Variants in ARHGEF10 observed in about 807,000 individuals in gnomAD.
ARHGEF10 encodes Rho guanine nucleotide exchange factor (GEF) 10.
Under a neutral mutation model 147.4 loss-of-function variants are expected in ARHGEF10, and 140 were observed. The observed-to-expected ratio is 0.95, with a 90% CI of 0.83 to 1.09. The LOEUF (loss-of-function observed/expected upper bound fraction) is 1.09, where lower values mean the gene tolerates loss of function less well. Ranked by LOEUF, ARHGEF10 falls within the 50% of genes least tolerant of loss-of-function variation. The probability of loss-of-function intolerance (pLI) is 0.00; values close to 1 mark genes in which losing one functional copy is unlikely to be tolerated. For missense variants in ARHGEF10, 2,222 were observed against 1,752.7 expected, an observed-to-expected ratio of 1.27 and a Z score of -4.78; for synonymous variants, 902 against 695.8, an observed-to-expected ratio of 1.30 and a Z score of -4.67.
At chr8:1,873,708 T>G in intron 7 of ARHGEF10, among the ~76,000 whole-genome samples, 2 of 141,954 alleles carry the variant, frequency 1.4e-5, no homozygotes, top group Admixed American at 7.1e-5. Context: ...GCCCGCGGGG[T>G]AGTGCACTCG....
intron 28 of ARHGEF10, among the ~76,000 whole-genome samples, chr8:1,955,577 G>A (rs1156909861): frequency 2.0e-5 from 3 of 151,182 alleles, no homozygotes; most frequent in Non-Finnish European, 4.4e-5. Context: ...GTAGCTAGGT[G>A]CATCCTGAAA....
intron 8 of ARHGEF10, 101 bp downstream of exon 8, chr8:1,876,835 G>C (rs1807751874): frequency 2.2e-6 from 3 of 1,338,650 alleles, no homozygotes; most frequent in Non-Finnish European, 3.2e-6. Flanking sequence ...ATAGTGATTT[G>C]TTAAGATGCT....
intron 1 of ARHGEF10, among the ~76,000 whole-genome samples, chr8:1,835,871 A>G (rs934681218): frequency 7.9e-5 from 12 of 152,138 alleles, no homozygotes; most frequent in African/African-American, 1.2e-4. Flanking sequence ...GACTGAATGC[A>G]TCATCTTTTT....
intron 2 of ARHGEF10, among the ~76,000 whole-genome samples, chr8:1,855,047 T>C (rs1443228117): frequency 1.3e-5 from 2 of 152,130 alleles, no homozygotes; most frequent in East Asian, 3.9e-4. Context: ...ACACACGGGC[T>C]CCTGTTCACG....
At chr8:1,860,546 A>G (rs1806044125) in intron 4 of ARHGEF10, among the ~76,000 whole-genome samples, 1 of 151,928 alleles carries the variant, frequency 6.6e-6, no homozygotes, top group African/African-American at 2.4e-5. Flanking sequence ...AGGTCATTAG[A>G]TGTTTGTTTA....
intron 18 of ARHGEF10, among the ~76,000 whole-genome samples, chr8:1,919,773 C>G (rs1027784621): frequency 6.2e-5 from 9 of 145,672 alleles, no homozygotes; most frequent in Admixed American, 5.4e-4. Context: ...TGGAGCTGTT[C>G]TATGGGTGAT....
chr8:1,935,136 A>G (rs1813471802), intron 26 of ARHGEF10, among the ~76,000 whole-genome samples: 1 of 152,166 alleles, frequency 6.6e-6, no homozygotes, highest in Non-Finnish European at 1.5e-5. Context: ...TTATTTTTAG[A>G]GCAGTTTTAG....
At chr8:1,949,274 C>T (rs1052673475) in intron 27 of ARHGEF10, among the ~76,000 whole-genome samples, 1 of 152,198 alleles carries the variant, frequency 6.6e-6, no homozygotes, top group African/African-American at 2.4e-5. Flanking sequence ...AAGGCCCTGG[C>T]TTTTCTCCTT....
At chr8:1,898,582 T>A in intron 15 of ARHGEF10, 57 bp downstream of exon 15, 4 of 1,538,732 alleles carry the variant, frequency 2.6e-6, no homozygotes, top group Non-Finnish European at 3.6e-6. Flanking sequence ...CATGACTCAT[T>A]TGAAAATGGC....
In ARHGEF10 at chr8:1,835,974, G is replaced by C. The variant is rs952749587; in HGVS notation, c.-47-7379G>C. Among the ~76,000 whole-genome samples the C allele has an allele frequency of 6.6e-5, 10 of 152,266 alleles. No individual in the cohort carries two copies. In the South Asian group the frequency reaches 8.3e-4, roughly 13 times the overall value. On this transcript the variant is annotated intron_variant, in intron 1 of 28. Coordinates refer to ENST00000349830, the MANE Select transcript of ARHGEF10 (RefSeq NM_014629.4). ...AGGCGGGCAGATCACGAGCTCAGGA[G>C]ATCGAGACCATCCTGGCCAACATGG...
rs747918077 is a variant in ARHGEF10 at position 1,937,409 on chromosome 8, C to T, written c.3222+3467C>T. On this transcript the variant is annotated intron_variant, in intron 26 of 28. Transcript: ENST00000349830. This position sits in a 1 kb window ranked among gnomAD's most constrained non-coding sequence, Gnocchi z 4.9. ...TAGTATACGGTGATCTTGGATCAGC[C>T]GCCTACCTGGGTCTCAATTGTCTGA... is the stretch of plus-strand genomic sequence containing the variant. Among the ~76,000 whole-genome samples the T allele has an allele frequency of 1.3e-5, 2 of 152,110 alleles. No individual in the cohort carries two copies. The highest frequency in any genetic ancestry group is 2.4e-5 in the African/African-American group (1 of 41,408).
intron 1 of ARHGEF10, among the ~76,000 whole-genome samples, chr8:1,841,928 G>GGGAACTGGGGCCGCGACC (rs1563161706): frequency 2.9e-5 from 2 of 70,058 alleles, no homozygotes; most frequent in Non-Finnish European, 5.2e-5. Flanking sequence ...GGGCCGCGGC[G>GGGAACTGGGGCCGCGACC]GGAACTGGGG....
At chr8:1,837,769 G>A (rs1026081822) in intron 1 of ARHGEF10, among the ~76,000 whole-genome samples, 3 of 152,192 alleles carry the variant, frequency 2.0e-5, no homozygotes, top group African/African-American at 4.8e-5. Flanking sequence ...TCTGAAGCCC[G>A]AGGCTGCCTG....
intron 2 of ARHGEF10, among the ~76,000 whole-genome samples, chr8:1,845,063 C>T (rs927315168): frequency 5.9e-5 from 9 of 152,122 alleles, no homozygotes; most frequent in African/African-American, 9.7e-5. Context: ...CACTTGAGCA[C>T]GGGAAGTTGA....
At chr8:1,941,421 C>CT (rs1364714159) in intron 26 of ARHGEF10, among the ~76,000 whole-genome samples, 1 of 152,134 alleles carries the variant, frequency 6.6e-6, no homozygotes, top group Non-Finnish European at 1.5e-5. Flanking sequence ...GATTTATACT[C>CT]TAAAAACTAC....
At chr8:1,925,670 T>G (rs982551705) in intron 22 of ARHGEF10, among the ~76,000 whole-genome samples, 1 of 152,224 alleles carries the variant, frequency 6.6e-6, no homozygotes, top group Admixed American at 6.5e-5. Context: ...TGAGGCCTTG[T>G]TAGTTAAAGA....
chr8:1,934,733 C>A (rs115046630), intron 26 of ARHGEF10, among the ~76,000 whole-genome samples: 2,975 of 152,262 alleles, frequency 0.02, 106 homozygotes, highest in African/African-American at 0.067. Context: ...AAACTATAAA[C>A]CTCTAAGATA....
In ARHGEF10 at chr8:1,838,436, G is replaced by A. The variant is rs140593010; in HGVS notation, c.-47-4917G>A. Among the ~76,000 whole-genome samples, 852 of 152,336 alleles carry A rather than the reference G, an allele frequency of 5.6e-3. 6 individuals are homozygous for A. The highest frequency in any genetic ancestry group is 0.024 in the South Asian group (115 of 4,828). On this transcript the variant is annotated intron_variant, in intron 1 of 28. Coordinates refer to ENST00000349830, the MANE Select transcript of ARHGEF10 (RefSeq NM_014629.4). The stretch of plus-strand genomic sequence containing the variant: ...AGTCTTCTCCTTCCCACAGCCACCC[G>A]GCACCCGCCCAGCCTGGGGAGAAGC...
At chr8:1,941,419 C>G (rs909983371) in intron 26 of ARHGEF10, among the ~76,000 whole-genome samples, 24 of 152,138 alleles carry the variant, frequency 1.6e-4, no homozygotes, top group Non-Finnish European at 1.3e-4. Flanking sequence ...AAGATTTATA[C>G]TCTAAAAACT....
Sources: allele counts gnomAD v4.1 joint callset (sites outside exome capture counted in the v4.1 genomes callset), GRCh38; gene constraint gnomAD v4.1.1; non-coding constraint Gnocchi (gnomAD v3.1); transcripts MANE v1.5; gene names NCBI Gene and HGNC (gene_info 2026-07-23, HGNC 2026-07-21).